PDE6B: variants seen among roughly 807,000 people sequenced by gnomAD.
The protein encoded by PDE6B is phosphodiesterase 6B.
PDE6B carries 106 observed loss-of-function variants against 109.0 expected under a neutral mutation model. The observed-to-expected ratio is 0.97, with a 90% CI of 0.83 to 1.14. The LOEUF (loss-of-function observed/expected upper bound fraction) is 1.14. PDE6B is among the 50% of genes most tolerant of loss of function. PDE6B has a pLI of 0.00. For missense variants in PDE6B, 1,193 were observed against 1,155.6 expected (o/e 1.03, Z -0.47); for synonymous variants, 490 against 471.3 (o/e 1.04, Z -0.51).
intron 17 of PDE6B, among the ~76,000 whole-genome samples, 164 bp downstream of exon 17, chr4:664,385 C>T (rs1188253008): frequency 6.6e-6 from 1 of 152,160 alleles, no homozygotes; most frequent in African/African-American, 2.4e-5. Flanking sequence ...CCTTATTTCC[C>T]CCCAGCTCTC....
intron 1 of PDE6B, among the ~76,000 whole-genome samples, chr4:629,200 G>C (rs1395005911): frequency 6.6e-6 from 1 of 152,144 alleles, no homozygotes; most frequent in African/African-American, 2.4e-5. Flanking sequence ...GGAGCGAGTG[G>C]GCCTGTGAGG....
In PDE6B at chr4:645,594, C is replaced by T. The variant is rs147993485; in HGVS notation, c.712-8258C>T. Among the ~76,000 whole-genome samples, 610 of 152,004 alleles carry T rather than the reference C, an allele frequency of 4.0e-3. 10 individuals carry two copies. The highest frequency in any genetic ancestry group is 0.014 in the African/African-American group (592 of 41,338). ...ACAGGCGTGAGCCACCGCGCCCGGC[C>T]AGGCTAGTCACATTTAAAGTGATTA... On this transcript the variant is annotated intron_variant, in intron 3 of 21. Coordinates refer to ENST00000496514, the MANE Select transcript of PDE6B (RefSeq NM_000283.4).
intron 8 of PDE6B, 120 bp from the exon 9 acceptor site, chr4:656,754 G>T: frequency 1.2e-6 from 1 of 851,680 alleles, no homozygotes; most frequent in Non-Finnish European, 1.9e-6. Context: ...GCAGAGACAG[G>T]AACACGAGCC....
At chr4:637,782 A>AT (rs1487181920) in intron 3 of PDE6B, among the ~76,000 whole-genome samples, 1 of 152,196 alleles carries the variant, frequency 6.6e-6, no homozygotes, top group East Asian at 1.9e-4. Flanking sequence ...GCACGTGACC[A>AT]TCGCGCTCGA....
Position 667,971 on chromosome 4 carries a change from A to G in PDE6B, c.2468A>G (p.Glu823Gly). 1 of 1,612,840 alleles carries G rather than the reference A, an allele frequency of 6.2e-7. No individual in the cohort carries two copies. Among genetic ancestry groups the G allele is most frequent in the Non-Finnish European group, 8.5e-7 (1 of 1,179,618 alleles). The change falls in exon 21 of 22, where the codon GAG becomes GGG. Residue 823 changes from glutamate to glycine, a missense_variant. Coordinates refer to ENST00000496514, the MANE Select transcript of PDE6B (RefSeq NM_000283.4). Reference protein sequence around the residue: ...EYEAKVKALEEKEEEERVAAK... With the variant: ...EYEAKVKALEGKEEEERVAAK... Reference sequence around the variant, plus strand: ...GAGGCCAAAGTGAAGGCTCTGGAGGAGAAGGAGGAGGAGGAGAGGGTGGCA... The same window carrying G: ...GAGGCCAAAGTGAAGGCTCTGGAGGGGAAGGAGGAGGAGGAGAGGGTGGCA...
In PDE6B at chr4:663,105, A is replaced by C; in HGVS notation, c.1838A>C (p.Gln613Pro). The C allele has an allele frequency of 6.2e-7, 1 of 1,604,800 alleles. No individual in the cohort carries two copies. Among genetic ancestry groups the C allele is most frequent in the African/African-American group, 1.3e-5 (1 of 74,850 alleles). The change falls in exon 15 of 22, where the codon CAG becomes CCG. Residue 613 changes from glutamine to proline, a missense_variant. Coordinates refer to ENST00000496514, the MANE Select transcript of PDE6B (RefSeq NM_000283.4). This position sits in a 1 kb window ranked among gnomAD's most constrained non-coding sequence, Gnocchi z 4.0. ...GTNNLYQMKS[Q>P]NPLAKLHGSS... ...CTCCACCACCTGTGTAACAGGTCCC[A>C]GAACCCCTTGGCTAAGCTCCACGGC...
At position 670,416 on chromosome 4, in the gene PDE6B, T is replaced by A. The variant is rs559243245; in HGVS notation, c.*309T>A. ...CACCACCACACATGGCTAATTTTTG[T>A]ATTTTCAGTACAGATGGGGTTTCAC... On this transcript the variant is annotated 3_prime_UTR_variant, in exon 22 of 22. Transcript: ENST00000496514. The A allele has an allele frequency of 1.8e-4, 62 of 350,058 alleles. No homozygotes were observed. Among genetic ancestry groups the A allele is most frequent in the African/African-American group, 6.4e-5 (3 of 46,914 alleles). 21.7% of individuals were successfully genotyped at this position (350,058 alleles called of 1,614,324 possible). A position where few individuals can be genotyped will look rare whatever the true frequency, so the allele number is the denominator to read the frequency against.
At chr4:649,663 C>T (rs925633444) in intron 3 of PDE6B, among the ~76,000 whole-genome samples, 62 of 148,984 alleles carry the variant, frequency 4.2e-4, no homozygotes, top group Non-Finnish European at 4.7e-4. Context: ...GAAGACTGTT[C>T]GCTGGTGGAC....
chr4:647,632 C>T (rs3888807), intron 3 of PDE6B, among the ~76,000 whole-genome samples: 20,515 of 151,882 alleles, frequency 0.14, 1,614 homozygotes, highest in East Asian at 0.21. Context: ...GCCCCAGGCT[C>T]GTGACCTCAC....
rs749479647 is a variant in PDE6B, at chr4:626,046, C to A, written c.420C>A (p.Gly140=). 6.3e-7 allele frequency: 1 copy of A among 1,595,216 alleles called. No homozygotes were observed. Among genetic ancestry groups the A allele is most frequent in the African/African-American group, 1.3e-5 (1 of 74,718 alleles). ...TCCCACTGGACATCGGGGTCGTGGG[C>A]CACGTGGCTCAGACCAAAAAGATGG... ...IVFPLDIGVV[G]HVAQTKKMVN... The change falls in exon 1 of 22, where the codon GGC becomes GGA. Residue 140 remains glycine, a synonymous_variant. Transcript: ENST00000496514. This position sits in a 1 kb window ranked among gnomAD's most constrained non-coding sequence, Gnocchi z 4.6.
Position 662,060 on chromosome 4 carries a change from G to A in PDE6B, c.1615-74G>A. ...CACGGAGCAGGGCTTCCACTGTGAA[G>A]TCAGCCACAGGTGCCGCTCTGGCGG... On this transcript the variant is annotated intron_variant, in intron 12 of 21. Coordinates refer to ENST00000496514, the MANE Select transcript of PDE6B (RefSeq NM_000283.4). This position sits in a 1 kb window ranked among gnomAD's most constrained non-coding sequence, Gnocchi z 4.3. 1.3e-6 allele frequency: 1 copy of A among 750,454 alleles called. No individual in the cohort carries two copies. Among genetic ancestry groups the A allele is most frequent in the South Asian group, 1.5e-5 (1 of 68,196 alleles). The allele number at this position is 750,454 out of a possible 1,614,324, so 46.5% of individuals were successfully genotyped here.
At chr4:651,398 T>TTGGGAGGAGGAGGGCC (rs1735538427) in intron 3 of PDE6B, among the ~76,000 whole-genome samples, 1 of 152,006 alleles carries the variant, frequency 6.6e-6, no homozygotes, top group Non-Finnish European at 1.5e-5. Flanking sequence ...AGGCCAGGCC[T>TTGGGAGGAGGAGGGCC]TGGGAGGAGG....
At position 662,818 on chromosome 4, in the gene PDE6B, C is replaced by G. The variant is rs1323528735; in HGVS notation, c.1832+200C>G. ...CAGCCTGGGCAACATGGCAAGAGCT[C>G]TCCTCTACAAAAACTTAAAAAAAAA... is the stretch of plus-strand genomic sequence containing the variant. On this transcript the variant is annotated intron_variant, in intron 14 of 21. Coordinates refer to ENST00000496514, the MANE Select transcript of PDE6B (RefSeq NM_000283.4). This position sits in a 1 kb window ranked among gnomAD's most constrained non-coding sequence, Gnocchi z 4.3. Among the ~76,000 whole-genome samples the G allele has an allele frequency of 6.9e-6, 1 of 145,680 alleles. No homozygotes were observed. The highest frequency in any genetic ancestry group is 1.5e-5 in the Non-Finnish European group (1 of 66,904).
In PDE6B at chr4:662,102, G is replaced by A. The variant is rs923623709; in HGVS notation, c.1615-32G>A. On this transcript the variant is annotated intron_variant, in intron 12 of 21. Transcript: ENST00000496514. The surrounding 1 kb of genome is among the most constrained non-coding windows in gnomAD (Gnocchi z 4.3). ...CTCTGGCGGGACTTACACGCTTGCC[G>A]CCGGAGCCCTGTGTCCTCTCGGCTC... is the stretch of plus-strand genomic sequence containing the variant. 2.3e-5 allele frequency: 25 copies of A among 1,102,280 alleles called. No individual in the cohort carries two copies. Among genetic ancestry groups the A allele is most frequent in the Non-Finnish European group, 3.3e-5 (24 of 736,852 alleles). 68.3% of individuals were successfully genotyped at this position (1,102,280 alleles called of 1,614,324 possible). A position where few individuals can be genotyped will look rare whatever the true frequency, so the allele number is the denominator to read the frequency against.
chr4:659,052 C>G, intron 11 of PDE6B, 35 bp downstream of exon 11: 1 of 1,508,496 alleles, frequency 6.6e-7, no homozygotes, highest in Non-Finnish European at 9.2e-7. Context: ...CCATGGAGGC[C>G]GGCCACGTGT....
chr4:662,127 C>T lies in PDE6B; in HGVS notation c.1615-7C>T, dbSNP rs1053789088. ...GCCGGAGCCCTGTGTCCTCTCGGCTCCCCCAGGTCCTGGTGCGGTTCCTGT... is the reference window on the plus strand; with the variant it reads ...GCCGGAGCCCTGTGTCCTCTCGGCTTCCCCAGGTCCTGGTGCGGTTCCTGT... On this transcript the variant is annotated splice_polypyrimidine_tract_variant and splice_region_variant and intron_variant, in intron 12 of 21. Transcript: ENST00000496514. This position sits in a 1 kb window ranked among gnomAD's most constrained non-coding sequence, Gnocchi z 4.3. The T allele has an allele frequency of 4.7e-6, 7 of 1,474,558 alleles. No homozygotes were observed. In the Admixed American group the frequency reaches 1.2e-4, roughly 24 times the overall value. The allele number at this position is 1,474,558 out of a possible 1,614,324, so 91.3% of individuals were successfully genotyped here.
At position 665,687 on chromosome 4, in the gene PDE6B, G is replaced by A. The variant is rs866434165; in HGVS notation, c.2268+358G>A. The stretch of plus-strand genomic sequence containing the variant: ...TGCTGGGGCAGAGAACGCATGGGGG[G>A]CGTCCCGGGCCCACACAGTGGTATG... On this transcript the variant is annotated intron_variant, in intron 19 of 21. Coordinates refer to ENST00000496514, the MANE Select transcript of PDE6B (RefSeq NM_000283.4). The surrounding 1 kb of genome is among the most constrained non-coding windows in gnomAD (Gnocchi z 4.0). Among the ~76,000 whole-genome samples the A allele has an allele frequency of 6.6e-6, 1 of 152,164 alleles. No individual in the cohort carries two copies. Among genetic ancestry groups the A allele is most frequent in the Non-Finnish European group, 1.5e-5 (1 of 68,016 alleles).
rs927495363 is a variant in PDE6B, at chr4:662,675, C to T, written c.1832+57C>T. Reference sequence around the variant, plus strand: ...CCCTAAATCAACTCCACGCCCTTGGCGTGAATTAGGCTTCGCATAGCAGGC... The same window carrying T: ...CCCTAAATCAACTCCACGCCCTTGGTGTGAATTAGGCTTCGCATAGCAGGC... On this transcript the variant is annotated intron_variant, in intron 14 of 21. Transcript: ENST00000496514. This position sits in a 1 kb window ranked among gnomAD's most constrained non-coding sequence, Gnocchi z 4.3. 8.1e-6 allele frequency: 9 copies of T among 1,107,910 alleles called. No individual in the cohort carries two copies. The highest frequency in any genetic ancestry group is 3.4e-5 in the Admixed American group (2 of 59,116). The allele number at this position is 1,107,910 out of a possible 1,614,324, so 68.6% of individuals were successfully genotyped here. A position where few individuals can be genotyped will look rare whatever the true frequency, so the allele number is the denominator to read the frequency against.
In PDE6B at chr4:663,940, G is replaced by A; in HGVS notation, c.2021+70G>A. 3 of 1,220,846 alleles carry A rather than the reference G, an allele frequency of 2.5e-6. No homozygotes were observed. The highest frequency in any genetic ancestry group is 2.1e-5 in the Admixed American group (1 of 47,870). The allele number at this position is 1,220,846 out of a possible 1,614,324, so 75.6% of individuals were successfully genotyped here. On this transcript the variant is annotated intron_variant, in intron 16 of 21. Coordinates refer to ENST00000496514, the MANE Select transcript of PDE6B (RefSeq NM_000283.4). This position sits in a 1 kb window ranked among gnomAD's most constrained non-coding sequence, Gnocchi z 4.0. Reference sequence around the variant, plus strand: ...GCCTGGGACCCCCGGCAGACACGGGGGCGCAGCGGCGGCACAGCCCGGGGG... The same window carrying A: ...GCCTGGGACCCCCGGCAGACACGGGAGCGCAGCGGCGGCACAGCCCGGGGG...
Sources: allele counts gnomAD v4.1 joint callset (sites outside exome capture counted in the v4.1 genomes callset), GRCh38; gene constraint gnomAD v4.1.1; non-coding constraint Gnocchi (gnomAD v3.1); transcripts MANE v1.5; gene names NCBI Gene and HGNC (gene_info 2026-07-23, HGNC 2026-07-21).